SEMA5A: variants seen among roughly 807,000 people sequenced by gnomAD.
SEMA5A encodes semaphorin 5A.
A neutral mutation model predicts 135.5 loss-of-function variants in SEMA5A; 55 were observed. The ratio of observed to expected loss-of-function variants is 0.41; its 90% CI spans 0.33 to 0.51. The LOEUF (loss-of-function observed/expected upper bound fraction) is 0.51, where lower values mean the gene tolerates loss of function less well. SEMA5A is among the 20% of genes least tolerant of loss of function. The probability of loss-of-function intolerance (pLI) is 0.37; values close to 1 mark genes in which losing one functional copy is unlikely to be tolerated. For missense variants in SEMA5A, 1,290 were observed against 1,419.9 expected (o/e 0.91, Z 1.47); for synonymous variants, 580 against 546.5 (o/e 1.06, Z -0.85).
chr5:9,292,451 G>C (rs1167193298), intron 5 of SEMA5A, among the ~76,000 whole-genome samples: 1 of 152,176 alleles, frequency 6.6e-6, no homozygotes, highest in East Asian at 1.9e-4. Context: ...AGTTGAGGCA[G>C]TGGCTACTCA....
At chr5:9,053,694 T>G (rs1459625891) in intron 19 of SEMA5A, 1 of 158,304 alleles carries the variant, frequency 6.3e-6, no homozygotes, top group African/African-American at 2.4e-5. Flanking sequence ...TTCCCACCTT[T>G]CCTTGGACTT....
chr5:9,281,201 A>G (rs1750524309), intron 5 of SEMA5A, among the ~76,000 whole-genome samples: 2 of 152,232 alleles, frequency 1.3e-5, no homozygotes, highest in Admixed American at 6.5e-5. Context: ...CTTTACTTCT[A>G]TAGGAATAAA....
intron 8 of SEMA5A, among the ~76,000 whole-genome samples, chr5:9,223,763 G>A (rs767251604): frequency 5.9e-5 from 9 of 152,062 alleles, no homozygotes; most frequent in Non-Finnish European, 8.8e-5. Context: ...GTGTATGTGC[G>A]TGTGTGTGTG....
chr5:9,242,047 C>T (rs1405134041), intron 5 of SEMA5A, among the ~76,000 whole-genome samples: 1 of 152,168 alleles, frequency 6.6e-6, no homozygotes, highest in African/African-American at 2.4e-5. Flanking sequence ...TTTCTTTTTT[C>T]ATATGTTTAC....
intron 8 of SEMA5A, among the ~76,000 whole-genome samples, chr5:9,224,148 G>A (rs1294721878): frequency 6.6e-6 from 1 of 152,184 alleles, no homozygotes; most frequent in Non-Finnish European, 1.5e-5. Flanking sequence ...CTTATTAACT[G>A]AGCCACTGAA....
intron 3 of SEMA5A, among the ~76,000 whole-genome samples, chr5:9,350,680 C>T (rs551482060): frequency 6.6e-6 from 1 of 152,250 alleles, no homozygotes; most frequent in East Asian, 1.9e-4. Flanking sequence ...CTTTGGTTGG[C>T]AATATTCCAT....
intron 1 of SEMA5A, among the ~76,000 whole-genome samples, chr5:9,500,189 T>A (rs1461778108): frequency 6.6e-6 from 1 of 152,168 alleles, no homozygotes; most frequent in African/African-American, 2.4e-5. Flanking sequence ...TTAGCACCAG[T>A]TTATAAAGTT....
chr5:9,183,377 C>A (rs1439889458), intron 11 of SEMA5A, among the ~76,000 whole-genome samples: 1 of 152,182 alleles, frequency 6.6e-6, no homozygotes, highest in Non-Finnish European at 1.5e-5. Flanking sequence ...CACTTCTGGG[C>A]TGCAGCTACC....
intron 16 of SEMA5A, among the ~76,000 whole-genome samples, chr5:9,095,684 G>A (rs1185966140): frequency 6.6e-6 from 1 of 152,158 alleles, no homozygotes; most frequent in African/African-American, 2.4e-5. Context: ...TAATACCATT[G>A]GAGGCACTCC....
chr5:9,074,061 C>T (rs966464988), intron 16 of SEMA5A, among the ~76,000 whole-genome samples: 4 of 151,916 alleles, frequency 2.6e-5, no homozygotes, highest in African/African-American at 9.7e-5. Flanking sequence ...CAAGGAAGAA[C>T]AAAGTAGGAA....
chr5:9,076,525 G>A (rs915692827), intron 16 of SEMA5A, among the ~76,000 whole-genome samples: 1 of 152,170 alleles, frequency 6.6e-6, no homozygotes, highest in Non-Finnish European at 1.5e-5. Context: ...AAGCAGAAAT[G>A]CATTGTACTT....
At chr5:9,307,062 C>T (rs184329046) in intron 5 of SEMA5A, among the ~76,000 whole-genome samples, 1 of 152,030 alleles carries the variant, frequency 6.6e-6, no homozygotes. Context: ...CTTGCCTCTG[C>T]GATCTAAGAT....
At chr5:9,380,312 TC>T (rs1356011156) in intron 2 of SEMA5A, 1 of 191,612 alleles carries the variant, frequency 5.2e-6, no homozygotes, top group African/African-American at 2.3e-5. Flanking sequence ...TGTACTGTCG[TC>T]ACACTCACTC....
intron 2 of SEMA5A, among the ~76,000 whole-genome samples, chr5:9,418,741 C>T (rs1438105279): frequency 1.3e-5 from 2 of 152,166 alleles, no homozygotes; most frequent in Non-Finnish European, 2.9e-5. Context: ...TACATATACT[C>T]CTGGTGCTGA....
chr5:9,063,380 T>C (rs1490569587), intron 17 of SEMA5A, among the ~76,000 whole-genome samples: 1 of 152,178 alleles, frequency 6.6e-6, no homozygotes, highest in African/African-American at 2.4e-5. Context: ...ATAGATTCTA[T>C]ATAGGTAGTT....
chr5:9,242,503 C>T (rs547441903), intron 5 of SEMA5A, among the ~76,000 whole-genome samples: 155 of 152,260 alleles, frequency 1.0e-3, no homozygotes, highest in African/African-American at 3.6e-3. Flanking sequence ...ACAATTATAA[C>T]CTCAAAATCA....
At chr5:9,305,553 C>G (rs192741562) in intron 5 of SEMA5A, among the ~76,000 whole-genome samples, 1 of 151,764 alleles carries the variant, frequency 6.6e-6, no homozygotes, top group Non-Finnish European at 1.5e-5. Flanking sequence ...GAGTGACCAC[C>G]GATGTCACTA....
intron 1 of SEMA5A, among the ~76,000 whole-genome samples, chr5:9,479,493 T>C (rs1759792319): frequency 6.6e-6 from 1 of 152,140 alleles, no homozygotes; most frequent in South Asian, 2.1e-4. Context: ...AGCTTATAAG[T>C]GTTCCATCTG....
At chr5:9,227,347 G>T (rs145964011) in intron 6 of SEMA5A, among the ~76,000 whole-genome samples, 2 of 152,094 alleles carry the variant, frequency 1.3e-5, no homozygotes, top group Non-Finnish European at 1.5e-5. Context: ...GGCCTTGGAC[G>T]GGTATTAGGA....
Sources: gnomAD v4.1 joint callset for allele counts (sites outside exome capture counted in the v4.1 genomes callset) on GRCh38, gnomAD v4.1.1 for gene constraint, MANE v1.5 for transcripts, NCBI Gene and HGNC (gene_info 2026-07-23, HGNC 2026-07-21) for gene names.